The following USP46 variants were observed in gnomAD, a reference collection of about 807,000 sequenced individuals.
USP46 encodes ubiquitin carboxyl-terminal hydrolase 46.
In USP46, 12 loss-of-function variants were observed where a neutral mutation model predicts 44.4. That is an observed-to-expected ratio of 0.27 (90% CI 0.17 to 0.44). The LOEUF is 0.44. Ranked by LOEUF, USP46 falls within the 20% of genes least tolerant of loss-of-function variation. USP46 has a pLI of 1.00. For synonymous variants in USP46, 155 were observed against 161.5 expected, an observed-to-expected ratio of 0.96 and a Z score of 0.31; for missense variants, 248 against 444.8, an observed-to-expected ratio of 0.56 and a Z score of 3.98.
At position 52,595,034 on chromosome 4, in the gene USP46, T is replaced by G. The variant is rs532724271; in HGVS notation, c.*2606A>C. ...ACCAATAAAGCAAATGTTCCTTCTG[T>G]TTTTTTTTTAAAGTGTAAAACATTG... On this transcript the variant is annotated 3_prime_UTR_variant, in exon 9 of 9. Transcript: ENST00000441222. The G allele has an allele frequency of 2.2e-5, 3 of 138,362 alleles. No homozygotes were observed. The highest frequency in any genetic ancestry group is 3.9e-4 in the East Asian group (2 of 5,130). 8.6% of individuals were successfully genotyped at this position (138,362 alleles called of 1,614,324 possible).
At chr4:52,635,087 T>G (rs1718060641) in intron 1 of USP46, among the ~76,000 whole-genome samples, 1 of 151,588 alleles carries the variant, frequency 6.6e-6, no homozygotes, top group South Asian at 2.1e-4. Context: ...CTTCTTTTTT[T>G]TTTTTTTTTT....
In USP46 at chr4:52,595,040, T is replaced by C. The variant is rs1270606421; in HGVS notation, c.*2600A>G. On this transcript the variant is annotated 3_prime_UTR_variant, in exon 9 of 9. Transcript: ENST00000441222. ...AAAGCAAATGTTCCTTCTGTTTTTT[T>C]TTTAAAGTGTAAAACATTGTAACTT... The C allele has an allele frequency of 6.6e-6, 1 of 152,604 alleles. No individual in the cohort carries two copies. Among genetic ancestry groups the C allele is most frequent in the African/African-American group, 2.4e-5 (1 of 41,464 alleles). 9.5% of individuals were successfully genotyped at this position (152,604 alleles called of 1,614,324 possible).
intron 1 of USP46, among the ~76,000 whole-genome samples, chr4:52,635,903 G>A (rs1376857020): frequency 6.6e-6 from 1 of 152,184 alleles, no homozygotes; most frequent in Non-Finnish European, 1.5e-5. Context: ...GGAGGATAAA[G>A]CTGTGTTGTT....
At chr4:52,641,920 A>G (rs921844250) in intron 1 of USP46, among the ~76,000 whole-genome samples, 3 of 152,234 alleles carry the variant, frequency 2.0e-5, no homozygotes, top group African/African-American at 7.2e-5. Context: ...AAAGTGGATG[A>G]CAGAAGAGGT....
At chr4:52,655,287 G>C (rs1401542469) in intron 1 of USP46, 7 of 152,228 alleles carry the variant, frequency 4.6e-5, no homozygotes, top group Admixed American at 6.5e-5. Flanking sequence ...TTGGGGACAG[G>C]GACTCACCTC....
At chr4:52,632,854 C>A (rs1480169885) in intron 1 of USP46, among the ~76,000 whole-genome samples, 8 of 128,206 alleles carry the variant, frequency 6.2e-5, no homozygotes, top group Middle Eastern at 4.2e-3. Context: ...AAAGAAAAGA[C>A]AAGAGAAGAC....
chr4:52,623,045 C>T (rs2109624558), intron 4 of USP46, among the ~76,000 whole-genome samples: 1 of 152,140 alleles, frequency 6.6e-6, no homozygotes, highest in South Asian at 2.1e-4. Flanking sequence ...GAGGAAAAAA[C>T]AGAGAATCCA....
At chr4:52,641,613 G>A (rs1448442820) in intron 1 of USP46, among the ~76,000 whole-genome samples, 2 of 152,284 alleles carry the variant, frequency 1.3e-5, no homozygotes, top group East Asian at 3.9e-4. Flanking sequence ...GCATTAAAAG[G>A]TCTGGAAAAA....
chr4:52,656,306 T>G lies in USP46; in HGVS notation c.36+2809A>C, dbSNP rs1467940771. 1.9e-6 allele frequency: 3 copies of G among 1,551,292 alleles called. No individual in the cohort carries two copies. In the African/African-American group the frequency reaches 4.1e-5, roughly 21 times the overall value. ...CTGTAAGACACCTACCTGAAAACAA[T>G]TCATTATTGAGCAAAGAATCTAAAG... On this transcript the variant is annotated intron_variant, in intron 1 of 8. Transcript: ENST00000441222.
chr4:52,600,823 T>C (rs896784064), intron 7 of USP46, among the ~76,000 whole-genome samples: 1 of 152,172 alleles, frequency 6.6e-6, no homozygotes, highest in Non-Finnish European at 1.5e-5. Flanking sequence ...ACTGGAACCC[T>C]GTGTTCTTCA....
chr4:52,637,867 G>A (rs540611985), intron 1 of USP46, among the ~76,000 whole-genome samples: 7 of 151,942 alleles, frequency 4.6e-5, no homozygotes, highest in Admixed American at 1.3e-4. Flanking sequence ...GCTGTTCTCC[G>A]GTACCTCAAA....
chr4:52,604,371 C>T (rs1279293066), intron 6 of USP46, 130 bp downstream of exon 6: 7 of 709,946 alleles, frequency 9.9e-6, no homozygotes, highest in Non-Finnish European at 1.7e-5. Context: ...AGGAGGATAA[C>T]TGACTTCCCC....
intron 4 of USP46, among the ~76,000 whole-genome samples, chr4:52,615,303 T>C (rs910044839): frequency 1.3e-5 from 2 of 152,052 alleles, no homozygotes; most frequent in Non-Finnish European, 2.9e-5. Context: ...AAACTTTATA[T>C]ATAAAGACAC....
At chr4:52,627,058 A>G (rs1412092016) in intron 3 of USP46, among the ~76,000 whole-genome samples, 4 of 152,182 alleles carry the variant, frequency 2.6e-5, no homozygotes, top group Non-Finnish European at 5.9e-5. Flanking sequence ...TCCGAAACCA[A>G]ATACAAATGA....
chr4:52,601,763 T>C (rs1716482194), intron 7 of USP46, 94 bp downstream of exon 7: 4 of 1,329,038 alleles, frequency 3.0e-6, no homozygotes, highest in African/African-American at 1.5e-5. Flanking sequence ...AACTATTGAG[T>C]GCCACGGCCC....
chr4:52,609,643 G>A (rs938241175), intron 5 of USP46, among the ~76,000 whole-genome samples: 2 of 152,182 alleles, frequency 1.3e-5, no homozygotes, highest in Middle Eastern at 3.4e-3. Context: ...AGGTATAGCC[G>A]AGTTGGTCAA....
At chr4:52,654,926 A>T (rs1173442805) in intron 1 of USP46, among the ~76,000 whole-genome samples, 1 of 152,224 alleles carries the variant, frequency 6.6e-6, no homozygotes, top group Non-Finnish European at 1.5e-5. Flanking sequence ...ACAGAAAATC[A>T]GTTTTACAAG....
At chr4:52,601,152 T>G (rs1300953765) in intron 7 of USP46, among the ~76,000 whole-genome samples, 3 of 152,156 alleles carry the variant, frequency 2.0e-5, no homozygotes, top group African/African-American at 4.8e-5. Context: ...CTAAAACCTA[T>G]GAGGGCAGGG....
intron 4 of USP46, among the ~76,000 whole-genome samples, chr4:52,611,398 C>A (rs1716927849): frequency 6.6e-6 from 1 of 152,256 alleles, no homozygotes; most frequent in South Asian, 2.1e-4. Flanking sequence ...AATTCACTGA[C>A]AACCCTGGGG....
Sources: gnomAD v4.1 joint callset for allele counts (sites outside exome capture counted in the v4.1 genomes callset) on GRCh38, gnomAD v4.1.1 for gene constraint, MANE v1.5 for transcripts, NCBI Gene and HGNC (gene_info 2026-07-23, HGNC 2026-07-21) for gene names.